GSE1: variants seen among roughly 807,000 people sequenced by gnomAD.
GSE1 encodes the protein Gse1 coiled-coil protein.
A neutral mutation model predicts 112.6 loss-of-function variants in GSE1; 32 were observed. That is an observed-to-expected ratio of 0.28 (90% CI 0.21 to 0.38). The LOEUF (loss-of-function observed/expected upper bound fraction) is 0.38, where lower values mean the gene tolerates loss of function less well. Among genes scored for constraint, GSE1 ranks in the 10% least tolerant of loss-of-function variants. The pLI is 1.00. For missense variants in GSE1, 2,348 were observed against 1,699.2 expected (o/e 1.38, Z -6.71); for synonymous variants, 1,115 against 735.6 (o/e 1.52, Z -8.35).
intron 13 of GSE1, 188 bp downstream of exon 13, chr16:85,666,535 C>G (rs1466041968): frequency 4.8e-6 from 3 of 630,414 alleles, no homozygotes; most frequent in African/African-American, 3.7e-5. Flanking sequence ...GCTCTAAAAC[C>G]TGAACTCGTA....
rs753730204 is a variant in GSE1 at position 85,668,439 on chromosome 16, G to C, written c.3415+15G>C. The C allele has an allele frequency of 1.3e-6, 2 of 1,537,678 alleles. No individual in the cohort carries two copies. Among genetic ancestry groups the C allele is most frequent in the Non-Finnish European group, 1.8e-6 (2 of 1,130,670 alleles). On this transcript the variant is annotated intron_variant, in intron 14 of 15. Coordinates refer to ENST00000253458, the MANE Select transcript of GSE1 (RefSeq NM_014615.5). Reference sequence around the variant, plus strand: ...ACACATAGAAGGTAAGGGGGTGCTGGGGAAGAGGGGGGAGGGGGTCAGGAA... The same window carrying C: ...ACACATAGAAGGTAAGGGGGTGCTGCGGAAGAGGGGGGAGGGGGTCAGGAA...
chr16:85,331,382 T>TATGC (rs2046345265), intron 1 of GSE1, among the ~76,000 whole-genome samples: 1 of 140,082 alleles, frequency 7.1e-6, no homozygotes, highest in African/African-American at 2.6e-5. Flanking sequence ...TGTATATATA[T>TATGC]GTATATATAT....
At chr16:85,450,426 G>A (rs1161529350) in intron 2 of GSE1, among the ~76,000 whole-genome samples, 1 of 150,178 alleles carries the variant, frequency 6.7e-6, no homozygotes, top group Non-Finnish European at 1.5e-5. Context: ...CCACCTTACT[G>A]TTTTTTTATT....
chr16:85,599,005 T>A (rs1189755527), intron 1 of GSE1, among the ~76,000 whole-genome samples: 1 of 152,256 alleles, frequency 6.6e-6, no homozygotes, highest in Non-Finnish European at 1.5e-5. Flanking sequence ...ATTATTTTTC[T>A]TGGATGTTGT....
chr16:85,334,425 C>G (rs966761144), intron 1 of GSE1, among the ~76,000 whole-genome samples: 1 of 152,236 alleles, frequency 6.6e-6, no homozygotes, highest in African/African-American at 2.4e-5. Context: ...CAAGGTCCCG[C>G]ACTTGGGCCC....
At chr16:85,639,115 C>T (rs917716292) in intron 2 of GSE1, among the ~76,000 whole-genome samples, 2 of 152,344 alleles carry the variant, frequency 1.3e-5, no homozygotes, top group East Asian at 3.9e-4. Flanking sequence ...TGAGCCGAGG[C>T]GTCCCTGACC....
intron 1 of GSE1, among the ~76,000 whole-genome samples, chr16:85,357,228 G>T (rs560132552): frequency 2.1e-4 from 32 of 152,342 alleles, no homozygotes; most frequent in African/African-American, 7.2e-4. Flanking sequence ...GACCCCAGCA[G>T]CAGGGGTCCA....
chr16:85,476,174 C>T (rs1225941306), intron 2 of GSE1, among the ~76,000 whole-genome samples: 2 of 152,226 alleles, frequency 1.3e-5, no homozygotes, highest in African/African-American at 2.4e-5. Flanking sequence ...TCAAGTGATC[C>T]TCCTGCCTGG....
chr16:85,600,780 A>G (rs1353917257), intron 1 of GSE1, among the ~76,000 whole-genome samples: 3 of 152,132 alleles, frequency 2.0e-5, no homozygotes, highest in Non-Finnish European at 4.4e-5. Flanking sequence ...ACAAGACGGC[A>G]TGGTGCGGAT....
intron 2 of GSE1, among the ~76,000 whole-genome samples, chr16:85,454,908 C>G (rs550559654): frequency 1.5e-4 from 23 of 152,322 alleles, no homozygotes; most frequent in African/African-American, 5.1e-4. Flanking sequence ...TGCAAAGCCC[C>G]TGCCTCCAAA....
chr16:85,613,175 A>T (rs1037412966), upstream of GSE1: 2 of 1,392,080 alleles, frequency 1.4e-6, no homozygotes, highest in African/African-American at 3.1e-5. Flanking sequence ...GCCGGGAGCG[A>T]GCCAGTGGCC....
chr16:85,620,877 C>T (rs976728055), intron 1 of GSE1, among the ~76,000 whole-genome samples: 4 of 151,950 alleles, frequency 2.6e-5, no homozygotes, highest in Non-Finnish European at 2.9e-5. Context: ...TTGGGGAACC[C>T]GTTTAGAGGG....
At chr16:85,171,702 G>T in exon 1 of GSE1, 1 of 985,650 alleles carries the variant, frequency 1.0e-6, no homozygotes, top group Non-Finnish European at 1.2e-6. Flanking sequence ...GACAGCAGCT[G>T]ATCATCGGTG....
chr16:85,244,605 G>T lies in GSE1; in HGVS notation c.2283+72798G>T, dbSNP rs147865795. On this transcript the variant is annotated intron_variant, in intron 1 of 2. Coordinates refer to the GSE1 transcript ENST00000637419. Reference sequence around the variant, plus strand: ...TGGCTCACGCATGTAATCCTAGCACGATGGGAGGCTGAGGCAGGAGGATCG... The same window carrying T: ...TGGCTCACGCATGTAATCCTAGCACTATGGGAGGCTGAGGCAGGAGGATCG... Among the ~76,000 whole-genome samples the T allele has an allele frequency of 6.8e-3, 1,041 of 152,240 alleles. 13 individuals carry two copies. Among genetic ancestry groups the T allele is most frequent in the African/African-American group, 0.023 (962 of 41,542 alleles).
chr16:85,666,516 T>TA lies in GSE1; in HGVS notation c.3130+170dup, dbSNP rs575834151. 688 of 669,382 alleles carry TA rather than the reference T, an allele frequency of 1.0e-3. 8 individuals carry two copies. In the South Asian group the frequency reaches 0.013, roughly 12 times the overall value. The allele number at this position is 669,382 out of a possible 1,614,324, so 41.5% of individuals were successfully genotyped here. ...TATGCCAAAACCATGTTTGTTTGTT[T>TA]ATCTCCAAGCTCTAAAACCTGAACT... On this transcript the variant is annotated intron_variant, in intron 13 of 15. Transcript: ENST00000253458.
Position 85,661,172 on chromosome 16 carries a change from G to T in GSE1, c.1667G>T (p.Gly556Val), listed in dbSNP as rs1191557072. The T allele has an allele frequency of 6.3e-7, 1 of 1,593,632 alleles. No homozygotes were observed. Among genetic ancestry groups the T allele is most frequent in the African/African-American group, 1.3e-5 (1 of 74,508 alleles). Residue 556 changes from glycine (G) to valine (V), a missense_variant, in exon 9 of 16, where the codon GGT becomes GTT. Physicochemically the swap from Gly to Val is moderately radical, Grantham distance 109. Transcript: ENST00000253458. ...CCAGGACCAAACCGTCACGAGCCAGGTGGCCGTGACCCTCCGCAGCACTTT... is the reference window on the plus strand; with the variant it reads ...CCAGGACCAAACCGTCACGAGCCAGTTGGCCGTGACCCTCCGCAGCACTTT... ...TRPGPNRHEP[G>V]GRDPPQHFGG... is the part of the protein sequence containing the mutation.
chr16:85,218,935 A>G (rs1440945024), intron 1 of GSE1, among the ~76,000 whole-genome samples: 1 of 152,096 alleles, frequency 6.6e-6, no homozygotes, highest in Non-Finnish European at 1.5e-5. Flanking sequence ...GCTGGAGTGC[A>G]GTGGTGTGAT....
chr16:85,389,781 C>T (rs78354800), intron 2 of GSE1, among the ~76,000 whole-genome samples: 6,823 of 152,258 alleles, frequency 0.045, 409 homozygotes, highest in African/African-American at 0.14. Flanking sequence ...CATTGAATCC[C>T]CACGAGCCTG....
At chr16:85,233,151 C>T (rs1258420083) in intron 1 of GSE1, among the ~76,000 whole-genome samples, 1 of 152,282 alleles carries the variant, frequency 6.6e-6, no homozygotes, top group Non-Finnish European at 1.5e-5. Flanking sequence ...CTGGTCTTCT[C>T]ATCCCCGACA....
Sources: allele counts gnomAD v4.1 joint callset (sites outside exome capture counted in the v4.1 genomes callset), GRCh38; gene constraint gnomAD v4.1.1; transcripts MANE v1.5; gene names NCBI Gene and HGNC (gene_info 2026-07-23, HGNC 2026-07-21).